TRAPPC10: variants seen among roughly 807,000 people sequenced by gnomAD.
TRAPPC10 encodes the protein TRAPP 130 kDa subunit.
TRAPPC10 carries 23 observed loss-of-function variants against 125.5 expected under a neutral mutation model. The ratio of observed to expected loss-of-function variants is 0.18; its 90% CI spans 0.13 to 0.26. The LOEUF is 0.26. Ranked by LOEUF, TRAPPC10 falls within the 10% of genes least tolerant of loss-of-function variation. The pLI is 1.00. For missense variants in TRAPPC10, 1,123 were observed against 1,308.4 expected (o/e 0.86, Z 2.19); for synonymous variants, 509 against 518.0 (o/e 0.98, Z 0.24).
intron 3 of TRAPPC10, among the ~76,000 whole-genome samples, chr21:44,039,877 G>A (rs967838681): frequency 6.6e-6 from 1 of 152,178 alleles, no homozygotes; most frequent in Non-Finnish European, 1.5e-5. Flanking sequence ...AGAAAAAAAA[G>A]AAATCACGAA....
intron 3 of TRAPPC10, among the ~76,000 whole-genome samples, chr21:44,047,994 T>C (rs1411406293): frequency 6.6e-6 from 1 of 152,200 alleles, no homozygotes; most frequent in Non-Finnish European, 1.5e-5. Flanking sequence ...CAGGACAAAT[T>C]ATTCCTTACA....
chr21:44,095,649 C>T (rs937567564), intron 20 of TRAPPC10, among the ~76,000 whole-genome samples: 4 of 151,978 alleles, frequency 2.6e-5, no homozygotes, highest in Admixed American at 1.3e-4. Context: ...CTGCAACCTC[C>T]GCCCCTCTAG....
At chr21:44,016,188 A>G (rs2031820439) in intron 1 of TRAPPC10, among the ~76,000 whole-genome samples, 1 of 152,234 alleles carries the variant, frequency 6.6e-6, no homozygotes, top group East Asian at 1.9e-4. Context: ...TAACTGAAAC[A>G]AATCCAGCAG....
chr21:44,018,135 CTGATTTTCT>C (rs1225452323), intron 1 of TRAPPC10, among the ~76,000 whole-genome samples: 2 of 141,172 alleles, frequency 1.4e-5, no homozygotes, highest in African/African-American at 6.1e-5. Flanking sequence ...ATGGAAAGGT[CTGATTTTCT>C]TTTTTTTTTT....
At chr21:44,093,458 AAAG>A (rs2038719114) in intron 19 of TRAPPC10, among the ~76,000 whole-genome samples, 1 of 148,056 alleles carries the variant, frequency 6.8e-6, no homozygotes, top group African/African-American at 2.5e-5. Flanking sequence ...TGTCTCTAAA[AAAG>A]GGAAAAAAAA....
chr21:44,090,018 G>C, intron 18 of TRAPPC10, 85 bp downstream of exon 18: 1 of 1,037,772 alleles, frequency 9.6e-7, no homozygotes, highest in African/African-American at 1.6e-5. Flanking sequence ...ACTGGCCTTC[G>C]TGGTGACCAA....
At chr21:44,091,490 AGTGCAGTGGC>A (rs894743381) in intron 18 of TRAPPC10, among the ~76,000 whole-genome samples, 6 of 152,046 alleles carry the variant, frequency 3.9e-5, no homozygotes, top group African/African-American at 1.2e-4. Context: ...ACCAGGCTGG[AGTGCAGTGGC>A]GTGATCTCAG....
In TRAPPC10 at chr21:44,056,080, G is replaced by A. The variant is rs374991500; in HGVS notation, c.678+187G>A. On this transcript the variant is annotated intron_variant, in intron 5 of 22. Coordinates refer to ENST00000291574, the MANE Select transcript of TRAPPC10 (RefSeq NM_003274.5). The stretch of plus-strand genomic sequence containing the variant: ...AAGTGTATGGAAGCAGATGGGGCAT[G>A]AAAAGGACACACACACTGCCCCGGG... Among the ~76,000 whole-genome samples, 63 of 152,252 alleles carry A rather than the reference G, an allele frequency of 4.1e-4. 1 individual carries two copies. The highest frequency in any genetic ancestry group is 1.5e-3 in the African/African-American group (61 of 41,532).
intron 20 of TRAPPC10, among the ~76,000 whole-genome samples, chr21:44,095,218 TTTTTA>T (rs1029353379): frequency 1.8e-4 from 27 of 150,338 alleles, no homozygotes; most frequent in Admixed American, 2.6e-4. Flanking sequence ...TGGCTAATTA[TTTTTA>T]TTTTATTTTA....
intron 6 of TRAPPC10, among the ~76,000 whole-genome samples, chr21:44,060,678 G>T (rs535872096): frequency 1.3e-5 from 2 of 152,084 alleles, no homozygotes; most frequent in South Asian, 4.2e-4. Context: ...TTGGCCCACT[G>T]CAACCTCTGC....
At chr21:44,067,473 G>T (rs2036534612) in intron 7 of TRAPPC10, among the ~76,000 whole-genome samples, 1 of 152,136 alleles carries the variant, frequency 6.6e-6, no homozygotes, top group African/African-American at 2.4e-5. Context: ...TGAAGGAGGA[G>T]GGGTGGTTGT....
At chr21:44,094,260 TG>T (rs11287102) in intron 20 of TRAPPC10, 27 bp downstream of exon 20, 1,580,786 of 1,580,940 alleles carry the variant, frequency 1, 790,316 homozygotes, top group East Asian at 1. Flanking sequence ...TTTGGGAGGG[TG>T]GGGGTGAAAA....
intron 14 of TRAPPC10, 123 bp from the exon 15 acceptor site, chr21:44,083,999 T>TA: frequency 4.6e-6 from 5 of 1,097,778 alleles, no homozygotes; most frequent in Non-Finnish European, 6.5e-6. Context: ...GAGCAGGGGG[T>TA]ACAAGAGGGA....
chr21:44,016,745 G>A (rs1039135208), intron 1 of TRAPPC10, among the ~76,000 whole-genome samples: 2 of 152,082 alleles, frequency 1.3e-5, no homozygotes, highest in Non-Finnish European at 2.9e-5. Context: ...TGCAAGCTCC[G>A]CCTCCCGGGT....
chr21:44,022,167 G>A (rs2032581281), intron 1 of TRAPPC10, among the ~76,000 whole-genome samples: 1 of 151,410 alleles, frequency 6.6e-6, no homozygotes, highest in Non-Finnish European at 1.5e-5. Context: ...GGAGTGCAGT[G>A]GCACAATCTC....
Position 44,063,607 on chromosome 21 carries a change from C to A in TRAPPC10, c.860C>A (p.Pro287His), listed in dbSNP as rs1462650871. The A allele has an allele frequency of 6.2e-7, 1 of 1,614,194 alleles. No individual in the cohort carries two copies. Among genetic ancestry groups the A allele is most frequent in the East Asian group, 2.2e-5 (1 of 44,888 alleles). The change falls in exon 7 of 23, where the codon CCC becomes CAC. Residue 287 changes from proline (P) to histidine (H), a missense_variant. Physicochemically the swap from Pro to His is moderately conservative, Grantham distance 77. Around this residue, in one of 4 missense-constraint regions of TRAPPC10, gnomAD observed 91 missense variants for 127.1 expected, o/e 0.72. Transcript: ENST00000291574. This position sits in a 1 kb window ranked among gnomAD's most constrained non-coding sequence, Gnocchi z 4.4. ...KSWNGLILRK[P>H]IDMEKRESIQ... Reference sequence around the variant, plus strand: ...TGGAACGGATTGATCCTCCGAAAACCCATAGATATGGAGAAGCGGGAATCG... The same window carrying A: ...TGGAACGGATTGATCCTCCGAAAACACATAGATATGGAGAAGCGGGAATCG...
At chr21:44,042,440 A>T (rs1959168495) in intron 3 of TRAPPC10, among the ~76,000 whole-genome samples, 1 of 152,218 alleles carries the variant, frequency 6.6e-6, no homozygotes, top group Admixed American at 6.5e-5. Flanking sequence ...GATTAAAAAA[A>T]TTTTGTTTAG....
At position 44,059,102 on chromosome 21, in the gene TRAPPC10, G is replaced by A; in HGVS notation, c.679-1G>A. 6.3e-7 allele frequency: 1 copy of A among 1,586,778 alleles called. No homozygotes were observed. The highest frequency in any genetic ancestry group is 8.6e-7 in the Non-Finnish European group (1 of 1,169,190). ...TTAAAAAACGTATCTTGGGCGAATA[G>A]GAGGAGCTTGCCTTTGTTTTCGAGA... On this transcript the variant is annotated splice_acceptor_variant, in intron 5 of 22. Coordinates refer to ENST00000291574, the MANE Select transcript of TRAPPC10 (RefSeq NM_003274.5). LOFTEE classifies it high-confidence loss of function. The surrounding 1 kb of genome is among the most constrained non-coding windows in gnomAD (Gnocchi z 4.4).
intron 15 of TRAPPC10, among the ~76,000 whole-genome samples, chr21:44,086,066 C>T (rs2038103367): frequency 6.6e-6 from 1 of 152,240 alleles, no homozygotes; most frequent in Non-Finnish European, 1.5e-5. Context: ...GTGATTCTTC[C>T]ATTGGAACAT....
Sources: gnomAD v4.1 joint callset for allele counts (sites outside exome capture counted in the v4.1 genomes callset) on GRCh38, gnomAD v4.1.1 for gene constraint, gnomAD v4.1.1 regional missense constraint, Gnocchi (gnomAD v3.1) non-coding constraint, MANE v1.5 for transcripts, NCBI Gene and HGNC (gene_info 2026-07-23, HGNC 2026-07-21) for gene names.